Variants in TESC observed in about 807,000 individuals in gnomAD.
TESC encodes the protein tescalcin.
Under a neutral mutation model 31.0 loss-of-function variants are expected in TESC, and 19 were observed. That is an observed-to-expected ratio of 0.61 (90% confidence interval 0.43 to 0.90). The LOEUF is 0.90. Ranked by LOEUF, TESC falls within the 40% of genes least tolerant of loss-of-function variation. The probability of loss-of-function intolerance (pLI) is 0.00; values close to 1 mark genes in which losing one functional copy is unlikely to be tolerated. For missense variants in TESC, 248 were observed against 303.8 expected (o/e 0.82, Z 1.36); for synonymous variants, 109 against 114.8 (o/e 0.95, Z 0.32).
At chr12:117,087,797 C>T (rs1323615111) in intron 1 of TESC, among the ~76,000 whole-genome samples, 2 of 152,102 alleles carry the variant, frequency 1.3e-5, no homozygotes, top group South Asian at 2.1e-4. Context: ...GAGCCAAGAT[C>T]GCACCACTGC....
intron 1 of TESC, among the ~76,000 whole-genome samples, chr12:117,079,493 C>T (rs1326014305): frequency 6.6e-6 from 1 of 151,296 alleles, no homozygotes; most frequent in African/African-American, 2.4e-5. Flanking sequence ...ACCCGGGAGG[C>T]GGAGGTTGCA....
At chr12:117,075,873 G>GTA (rs1955050952) in intron 1 of TESC, among the ~76,000 whole-genome samples, 2 of 22,222 alleles carry the variant, frequency 9.0e-5, no homozygotes, top group Non-Finnish European at 1.5e-4. Context: ...ATATATATGT[G>GTA]TGTATATATA....
intron 2 of TESC, among the ~76,000 whole-genome samples, chr12:117,072,161 C>T (rs1954983473): frequency 6.6e-6 from 1 of 152,170 alleles, no homozygotes; most frequent in South Asian, 2.1e-4. Flanking sequence ...CACCTGGGCC[C>T]CCACCACACT....
Position 117,039,214 on chromosome 12 carries a change from G to C in TESC, c.568-4C>G. The C allele has an allele frequency of 6.2e-7, 1 of 1,613,242 alleles. No individual in the cohort carries two copies. The highest frequency in any genetic ancestry group is 1.1e-5 in the South Asian group (1 of 90,846). Reference sequence around the variant, plus strand: ...CAATGTCGATCCCCTGCCAGATCTGGAAGGGACGGAGCAGCGTTAAGGGCA... The same window carrying C: ...CAATGTCGATCCCCTGCCAGATCTGCAAGGGACGGAGCAGCGTTAAGGGCA... On this transcript the variant is annotated splice_region_variant and splice_polypyrimidine_tract_variant and intron_variant, in intron 7 of 7. Coordinates refer to ENST00000335209, the MANE Select transcript of TESC (RefSeq NM_017899.4).
rs1402332568 is a variant in TESC at position 117,075,338 on chromosome 12, A to G, written c.61T>C (p.Ser21Pro). Residue 21 changes from serine to proline, a missense_variant and splice_region_variant, in exon 2 of 8, where the codon TCA becomes CCA. Ser to Pro is a moderately conservative substitution (Grantham distance 74). Coordinates refer to ENST00000335209, the MANE Select transcript of TESC (RefSeq NM_017899.4). Reference protein sequence around the residue: ...VRELEGKTGFSSDQIEQLHRR... With the variant: ...VRELEGKTGFPSDQIEQLHRR... ...TGGAGCTGCTCGATCTGATCCGATG[A>G]GACTGAGAAGTGGGGGAAAGAGAGA... 2 of 1,609,250 alleles carry G rather than the reference A, an allele frequency of 1.2e-6. No individual in the cohort carries two copies. Among genetic ancestry groups the G allele is most frequent in the East Asian group, 4.5e-5 (2 of 44,848 alleles).
chr12:117,060,462 C>G (rs1488365920), intron 2 of TESC, among the ~76,000 whole-genome samples: 2 of 152,254 alleles, frequency 1.3e-5, no homozygotes, highest in African/African-American at 4.8e-5. Context: ...CCTTTTTCCT[C>G]ATTAGTGGGA....
chr12:117,091,742 C>T (rs983728014), intron 1 of TESC, among the ~76,000 whole-genome samples: 1 of 152,218 alleles, frequency 6.6e-6, no homozygotes, highest in Admixed American at 6.5e-5. Context: ...TCCCTGGGGG[C>T]AACCCACCTA....
intron 1 of TESC, among the ~76,000 whole-genome samples, chr12:117,089,145 C>T (rs1042698258): frequency 6.6e-6 from 1 of 152,190 alleles, no homozygotes; most frequent in Admixed American, 6.5e-5. Context: ...AAAGAGCAGG[C>T]TTCTGCAATG....
At chr12:117,099,005 C>A (rs1955434935) in intron 1 of TESC, among the ~76,000 whole-genome samples, 1 of 152,142 alleles carries the variant, frequency 6.6e-6, no homozygotes, top group Non-Finnish European at 1.5e-5. Context: ...CGGGCCAGTC[C>A]GAAGCTGAGC....
At chr12:117,069,529 C>T (rs10850753) in intron 2 of TESC, among the ~76,000 whole-genome samples, 4,495 of 147,672 alleles carry the variant, frequency 0.03, 183 homozygotes, top group East Asian at 0.19. Context: ...TGAGCCACTG[C>T]GCCCGGCCAA....
intron 2 of TESC, among the ~76,000 whole-genome samples, chr12:117,073,074 C>T (rs559268558): frequency 2.2e-4 from 33 of 152,324 alleles, no homozygotes; most frequent in African/African-American, 6.5e-4. Flanking sequence ...GCCACCTCCC[C>T]GCTAGATCTC....
chr12:117,057,797 G>A (rs192407539), intron 2 of TESC, among the ~76,000 whole-genome samples: 2 of 151,696 alleles, frequency 1.3e-5, no homozygotes, highest in Admixed American at 1.3e-4. Context: ...ATGGAGTCTC[G>A]CTCTGCCGCC....
chr12:117,070,490 A>G (rs1954953138), intron 2 of TESC, among the ~76,000 whole-genome samples: 1 of 152,104 alleles, frequency 6.6e-6, no homozygotes, highest in African/African-American at 2.4e-5. Flanking sequence ...AAGCTCTGAG[A>G]CCAAGGCAGT....
chr12:117,048,553 GA>G (rs1954601049), intron 4 of TESC: 1 of 376,094 alleles, frequency 2.7e-6, no homozygotes, highest in Non-Finnish European at 5.3e-6. Flanking sequence ...CTGGTCTCAG[GA>G]ACCCAGCAAT....
At chr12:117,086,239 T>C (rs966081769) in intron 1 of TESC, among the ~76,000 whole-genome samples, 3 of 152,094 alleles carry the variant, frequency 2.0e-5, no homozygotes, top group Admixed American at 6.5e-5. Flanking sequence ...ATTGTGAATG[T>C]ACTTAATGCC....
At chr12:117,042,232 G>A (rs1050604935) in intron 6 of TESC, among the ~76,000 whole-genome samples, 9 of 152,170 alleles carry the variant, frequency 5.9e-5, no homozygotes, top group African/African-American at 2.2e-4. Flanking sequence ...TGGGAGCCGA[G>A]CGTCGCTCAC....
At chr12:117,042,026 T>C (rs1954491554) in intron 6 of TESC, 32 bp from the exon 7 acceptor site, 3 of 1,580,228 alleles carry the variant, frequency 1.9e-6, no homozygotes, top group Non-Finnish European at 2.6e-6. Context: ...GGACAGTGAG[T>C]GGCGCAGGTC....
At chr12:117,091,394 T>C (rs1273906873) in intron 1 of TESC, among the ~76,000 whole-genome samples, 2 of 152,264 alleles carry the variant, frequency 1.3e-5, no homozygotes, top group African/African-American at 2.4e-5. Flanking sequence ...CAGGTTATTC[T>C]GTTTGTCTTA....
intron 2 of TESC, among the ~76,000 whole-genome samples, chr12:117,074,622 T>G (rs1483597199): frequency 1.3e-5 from 2 of 152,124 alleles, no homozygotes; most frequent in Non-Finnish European, 2.9e-5. Flanking sequence ...GCACCACAAC[T>G]GATACATCTT....
Sources: gnomAD v4.1 joint callset for allele counts (sites outside exome capture counted in the v4.1 genomes callset) on GRCh38, gnomAD v4.1.1 for gene constraint, MANE v1.5 for transcripts, NCBI Gene and HGNC (gene_info 2026-07-23, HGNC 2026-07-21) for gene names.